Variants in RNLS observed in about 807,000 individuals in gnomAD.
The protein encoded by RNLS is renalase, FAD dependent amine oxidase.
Under a neutral mutation model 39.8 loss-of-function variants are expected in RNLS, and 39 were observed. That is an observed-to-expected ratio of 0.98 (90% CI 0.76 to 1.28). The LOEUF is 1.28. RNLS is among the 50% of genes most tolerant of loss of function. The probability of loss-of-function intolerance (pLI) is 0.00; values close to 1 mark genes in which losing one functional copy is unlikely to be tolerated. For synonymous variants in RNLS, 147 were observed against 150.7 expected (o/e 0.98, Z 0.18); for missense variants, 410 against 413.3 (o/e 0.99, Z 0.07).
intron 6 of RNLS, among the ~76,000 whole-genome samples, chr10:88,294,519 TA>T (rs1403831578): frequency 1.3e-5 from 2 of 152,186 alleles, no homozygotes; most frequent in Admixed American, 6.6e-5. Flanking sequence ...CTGCTTCTAC[TA>T]GGGGTGTATT....
intron 4 of RNLS, among the ~76,000 whole-genome samples, chr10:88,522,997 T>C (rs144480609): frequency 6.6e-6 from 1 of 152,240 alleles, no homozygotes; most frequent in East Asian, 1.9e-4. Flanking sequence ...GACAGTGGCA[T>C]TTCCCTCTCT....
intron 3 of RNLS, among the ~76,000 whole-genome samples, chr10:88,578,013 C>T (rs1468826388): frequency 6.6e-6 from 1 of 152,044 alleles, no homozygotes; most frequent in Non-Finnish European, 1.5e-5. Context: ...AACTAGATTC[C>T]AAAATATAGA....
chr10:88,226,194 C>T, the RNLS span, among the ~76,000 whole-genome samples: 1 of 152,186 alleles, frequency 6.6e-6, no homozygotes, highest in Non-Finnish European at 1.5e-5. Context: ...ATTTATTCAG[C>T]CCAATGTCAA....
chr10:88,396,483 A>G (rs144343986), intron 4 of RNLS, among the ~76,000 whole-genome samples: 4 of 151,362 alleles, frequency 2.6e-5, no homozygotes, highest in Non-Finnish European at 4.4e-5. Flanking sequence ...ATATATTAGT[A>G]TTAATAATAT....
chr10:88,310,824 A>AAAAAAAAAAAAAAAAAAAAAAAAAAAG lies in RNLS; in HGVS notation c.876+3641_876+3642insCTTTTTTTTTTTTTTTTTTTTTTTTTT, dbSNP rs1217903555. On this transcript the variant is annotated intron_variant, in intron 6 of 6. Transcript: ENST00000331772. ...GCCAAAAAAAAAAAAAAAAAAAAAA[A>AAAAAAAAAAAAAAAAAAAAAAAAAAAG]AAAGAAAGAAAAGGAAGAGAAAAGG... Among the ~76,000 whole-genome samples the AAAAAAAAAAAAAAAAAAAAAAAAAAAG allele has an allele frequency of 2.3e-3, 259 of 113,356 alleles. 20 individuals carry two copies. The highest frequency in any genetic ancestry group is 3.7e-3 in the Non-Finnish European group (194 of 52,358). The allele number at this position is 113,356 out of a possible 152,430, so 74.4% of individuals were successfully genotyped here.
chr10:88,426,722 G>A (rs950009502), intron 4 of RNLS, among the ~76,000 whole-genome samples: 3 of 151,904 alleles, frequency 2.0e-5, no homozygotes, highest in African/African-American at 7.3e-5. Context: ...TACCTTCTTA[G>A]AGATGGCCAA....
At chr10:88,352,778 C>T (rs562122599) in intron 5 of RNLS, among the ~76,000 whole-genome samples, 1 of 152,252 alleles carries the variant, frequency 6.6e-6, no homozygotes, top group African/African-American at 2.4e-5. Flanking sequence ...AGGAATGGTA[C>T]CAGCTCCTCC....
chr10:88,384,189 A>G (rs1007857317), intron 4 of RNLS, among the ~76,000 whole-genome samples: 1 of 152,202 alleles, frequency 6.6e-6, no homozygotes, highest in Non-Finnish European at 1.5e-5. Context: ...TCCCTGACAT[A>G]GACTATTCTC....
At chr10:88,255,686 ATGTC>A in the RNLS span, among the ~76,000 whole-genome samples, 4,406 of 152,330 alleles carry the variant, frequency 0.029, 79 homozygotes, top group African/African-American at 0.043. Context: ...TTGCAGGGCT[ATGTC>A]TCTCCATGTC....
At chr10:88,552,648 A>G (rs1367387895) in intron 4 of RNLS, among the ~76,000 whole-genome samples, 1 of 152,192 alleles carries the variant, frequency 6.6e-6, no homozygotes, top group African/African-American at 2.4e-5. Flanking sequence ...CAATTATATT[A>G]TTATATAAAG....
At chr10:88,319,696 C>T (rs952093950) in intron 5 of RNLS, among the ~76,000 whole-genome samples, 2 of 151,784 alleles carry the variant, frequency 1.3e-5, no homozygotes, top group African/African-American at 4.8e-5. Flanking sequence ...AATTTCAGAG[C>T]TTGAAATGTG....
intron 4 of RNLS, among the ~76,000 whole-genome samples, chr10:88,405,674 G>A (rs189276768): frequency 1.3e-5 from 2 of 152,124 alleles, no homozygotes; most frequent in Admixed American, 1.3e-4. Context: ...CTTTTAAGTG[G>A]AGCATTTAGG....
At chr10:88,306,936 TAA>T (rs1844964829) in intron 6 of RNLS, among the ~76,000 whole-genome samples, 1 of 152,022 alleles carries the variant, frequency 6.6e-6, no homozygotes, top group Non-Finnish European at 1.5e-5. Flanking sequence ...AAAATACTGG[TAA>T]ACAAATCCAG....
chr10:88,510,715 G>A lies in RNLS; in HGVS notation c.526+62188C>T, dbSNP rs189466908. ...AAAAATTAGCCGGGCATGGTGGTGC[G>A]CGCCTGTAATACACCCAGCTACTCA... On this transcript the variant is annotated intron_variant, in intron 4 of 6. Transcript: ENST00000331772. 4.5e-3 allele frequency among the ~76,000 whole-genome samples: 675 copies of A among 151,666 alleles called. 4 individuals are homozygous for A. Among genetic ancestry groups the A allele is most frequent in the Non-Finnish European group, 8.2e-3 (554 of 67,888 alleles).
chr10:88,320,698 CAAAG>C (rs1358062234), intron 5 of RNLS, among the ~76,000 whole-genome samples: 4 of 145,798 alleles, frequency 2.7e-5, no homozygotes, highest in African/African-American at 1.0e-4. Context: ...AAAAAAAAGA[CAAAG>C]AAGGGTATTA....
the RNLS span, among the ~76,000 whole-genome samples, chr10:88,248,576 A>G: frequency 1.3e-5 from 2 of 152,192 alleles, no homozygotes; most frequent in Admixed American, 6.5e-5. Flanking sequence ...GATGCTATGG[A>G]TAATTTTTCA....
chr10:88,217,935 C>T, the RNLS span, among the ~76,000 whole-genome samples: 2 of 151,896 alleles, frequency 1.3e-5, no homozygotes, highest in East Asian at 1.9e-4. Context: ...AGCTACTCAG[C>T]AGGCTGAGGT....
chr10:88,533,497 GT>G (rs1445070606), intron 4 of RNLS, among the ~76,000 whole-genome samples: 1 of 152,120 alleles, frequency 6.6e-6, no homozygotes, highest in East Asian at 1.9e-4. Context: ...TTTTAAAAGG[GT>G]TTTGAAGACC....
rs994681260 is a variant in RNLS, at chr10:88,567,218, GAGTTA to G, written c.526+5680_526+5684del. ...AGAAAGAAAAGTAATAATAGTAGGT[GAGTTA>G]AGTTATCTTTCTCAGCCAAACACAG... On this transcript the variant is annotated intron_variant, in intron 4 of 6. Coordinates refer to ENST00000331772, the MANE Select transcript of RNLS (RefSeq NM_001031709.3). Among the ~76,000 whole-genome samples, 6 of 152,100 alleles carry G rather than the reference GAGTTA, an allele frequency of 3.9e-5. No homozygotes were observed. The East Asian group carries it at 7.7e-4, about 20-fold the overall frequency.
Sources: allele counts gnomAD v4.1 joint callset (sites outside exome capture counted in the v4.1 genomes callset), GRCh38; gene constraint gnomAD v4.1.1; transcripts MANE v1.5; gene names NCBI Gene and HGNC (gene_info 2026-07-23, HGNC 2026-07-21).